Variants in SFXN5 observed in about 807,000 individuals in gnomAD.
SFXN5 encodes the protein sideroflexin 5.
Under a neutral mutation model 50.2 loss-of-function variants are expected in SFXN5, and 43 were observed. The ratio of observed to expected loss-of-function variants is 0.86; its 90% CI spans 0.67 to 1.11. SFXN5 has a LOEUF of 1.11. Ranked by LOEUF, SFXN5 falls within the 50% of genes least tolerant of loss-of-function variation. The probability of loss-of-function intolerance (pLI) is 0.00; values close to 1 mark genes in which losing one functional copy is unlikely to be tolerated. For missense variants in SFXN5, 463 were observed against 454.1 expected, an observed-to-expected ratio of 1.02 and a Z score of -0.18; for synonymous variants, 203 against 185.8, an observed-to-expected ratio of 1.09 and a Z score of -0.75.
At chr2:73,019,600 T>G (rs1676599277) in intron 6 of SFXN5, 1 of 152,170 alleles carries the variant, frequency 6.6e-6, no homozygotes, top group Admixed American at 6.5e-5. Context: ...AGCTAATTTT[T>G]TGTATTTTTA....
intron 9 of SFXN5, among the ~76,000 whole-genome samples, chr2:72,989,164 AC>A (rs1672271775): frequency 6.6e-6 from 1 of 151,720 alleles, no homozygotes; most frequent in African/African-American, 2.4e-5. Flanking sequence ...CCCAAGTTCA[AC>A]CCCGAGAGTC....
intron 3 of SFXN5, among the ~76,000 whole-genome samples, chr2:73,036,030 C>T (rs1461173706): frequency 6.6e-6 from 1 of 152,212 alleles, no homozygotes; most frequent in African/African-American, 2.4e-5. Context: ...CTGCAGGCCT[C>T]AGGACCCAGT....
At chr2:72,962,183 G>C (rs932749034) in intron 12 of SFXN5, among the ~76,000 whole-genome samples, 8 of 152,232 alleles carry the variant, frequency 5.3e-5, no homozygotes, top group Admixed American at 1.3e-4. Context: ...TATTTGCCAG[G>C]GGGTGTTGGG....
At chr2:73,061,414 C>T (rs1009144077) in intron 1 of SFXN5, among the ~76,000 whole-genome samples, 1 of 151,772 alleles carries the variant, frequency 6.6e-6, no homozygotes, top group Admixed American at 6.6e-5. Context: ...AAATACAGGG[C>T]AGCCATAAAA....
chr2:72,994,278 C>CT (rs1672951701), intron 9 of SFXN5, among the ~76,000 whole-genome samples: 1 of 152,192 alleles, frequency 6.6e-6, no homozygotes, highest in African/African-American at 2.4e-5. Flanking sequence ...TATTACTAAT[C>CT]TCATGACTAC....
intron 6 of SFXN5, 144 bp from the exon 7 acceptor site, chr2:73,001,722 T>C (rs969707610): frequency 2.8e-5 from 21 of 763,476 alleles, no homozygotes; most frequent in Non-Finnish European, 4.6e-5. Flanking sequence ...CTGAGGTTCA[T>C]TGAGGGAGAG....
chr2:72,978,029 C>T (rs1334657019), intron 10 of SFXN5, among the ~76,000 whole-genome samples: 1 of 149,070 alleles, frequency 6.7e-6, no homozygotes, highest in Admixed American at 6.7e-5. Context: ...GAAACTCTAA[C>T]CCTACTCCAG....
chr2:72,957,163 G>GTA (rs999089224), intron 13 of SFXN5: 15 of 439,412 alleles, frequency 3.4e-5, no homozygotes, highest in African/African-American at 3.0e-4. Flanking sequence ...TGAAGGTTCC[G>GTA]TATCTCCAGC....
At chr2:72,980,848 G>A (rs865889067) in intron 10 of SFXN5, among the ~76,000 whole-genome samples, 1 of 144,234 alleles carries the variant, frequency 6.9e-6, no homozygotes, top group Non-Finnish European at 1.5e-5. Context: ...CAGGCCCCCT[G>A]CCCCCTCCTG....
At chr2:73,020,103 T>G in intron 6 of SFXN5, 136 bp downstream of exon 6, 2 of 774,052 alleles carry the variant, frequency 2.6e-6, no homozygotes, top group East Asian at 5.4e-5. Flanking sequence ...TACATATCAT[T>G]TTATTTGGTA....
Position 72,995,136 on chromosome 2 carries a change from C to T in SFXN5, c.534+3813G>A, listed in dbSNP as rs138698940. On this transcript the variant is annotated intron_variant, in intron 9 of 13. Transcript: ENST00000272433. ...CCCCAGCACCTGCAAAGTACCCGCA[C>T]ATCACAGTCCCCCGATGGGAGTCAA... is the stretch of plus-strand genomic sequence containing the variant. Among the ~76,000 whole-genome samples the T allele has an allele frequency of 3.9e-3, 599 of 152,274 alleles. 8 individuals are homozygous for T. The highest frequency in any genetic ancestry group is 0.014 in the African/African-American group (566 of 41,554).
intron 10 of SFXN5, among the ~76,000 whole-genome samples, chr2:72,984,559 G>C (rs1671677879): frequency 1.3e-5 from 2 of 152,266 alleles, no homozygotes; most frequent in Admixed American, 1.3e-4. Flanking sequence ...ATCACTTTTA[G>C]CAAGTCTGAC....
In SFXN5 at chr2:72,961,293, G is replaced by C. The variant is rs6710567; in HGVS notation, c.828-45C>G. The C allele has an allele frequency of 0.037, 50,831 of 1,388,296 alleles. 8,414 individuals carry two copies. In the African/African-American group the frequency reaches 0.49, roughly 13 times the overall value. 86.0% of individuals were successfully genotyped at this position (1,388,296 alleles called of 1,614,324 possible). ...GAGCCCCATGAGACCCGAAGGTGGGGTGGGCTGGCTGCCAGCCACCATGCT... is the reference window on the plus strand; with the variant it reads ...GAGCCCCATGAGACCCGAAGGTGGGCTGGGCTGGCTGCCAGCCACCATGCT... On this transcript the variant is annotated intron_variant, in intron 12 of 13. Coordinates refer to ENST00000272433, the MANE Select transcript of SFXN5 (RefSeq NM_144579.3). This position sits in a 1 kb window ranked among gnomAD's most constrained non-coding sequence, Gnocchi z 4.4.
intron 9 of SFXN5, chr2:72,998,664 G>C: frequency 2.2e-6 from 1 of 450,984 alleles, no homozygotes; most frequent in Non-Finnish European, 4.0e-6. Flanking sequence ...TCCGAGCAGA[G>C]TGCTGGGCAA....
intron 13 of SFXN5, chr2:72,956,860 C>G (rs1211981161): frequency 8.5e-6 from 3 of 352,242 alleles, no homozygotes. Context: ...CCCACAGTTC[C>G]CCATCTTTGA....
chr2:73,020,317 G>C, intron 5 of SFXN5, 53 bp from the exon 6 acceptor site: 4 of 1,598,514 alleles, frequency 2.5e-6, no homozygotes, highest in Non-Finnish European at 3.4e-6. Context: ...CATCTCACCT[G>C]AGATACCCAG....
intron 3 of SFXN5, among the ~76,000 whole-genome samples, chr2:73,040,628 T>C (rs1363266534): frequency 6.6e-6 from 1 of 152,238 alleles, no homozygotes; most frequent in East Asian, 1.9e-4. Flanking sequence ...CAGCAAGCCT[T>C]TGGCCTTTGG....
intron 3 of SFXN5, among the ~76,000 whole-genome samples, chr2:73,027,657 TTA>T (rs1677739670): frequency 6.6e-6 from 1 of 152,120 alleles, no homozygotes; most frequent in Admixed American, 6.5e-5. Flanking sequence ...GTATCATTTT[TTA>T]TCTTTTTTTT....
intron 10 of SFXN5, among the ~76,000 whole-genome samples, chr2:72,976,813 A>G (rs1670666168): frequency 6.6e-6 from 1 of 152,254 alleles, no homozygotes; most frequent in Non-Finnish European, 1.5e-5. Context: ...CATCTTAGAA[A>G]CACAGCATTC....
Sources: allele counts gnomAD v4.1 joint callset (sites outside exome capture counted in the v4.1 genomes callset), GRCh38; gene constraint gnomAD v4.1.1; non-coding constraint Gnocchi (gnomAD v3.1); transcripts MANE v1.5; gene names NCBI Gene and HGNC (gene_info 2026-07-23, HGNC 2026-07-21).